RALYL: variants seen among roughly 807,000 people sequenced by gnomAD.
RALYL encodes RNA-binding Raly-like protein.
RALYL carries 29 observed loss-of-function variants against 35.1 expected under a neutral mutation model. The observed-to-expected ratio is 0.83, with a 90% CI of 0.61 to 1.13. The LOEUF (loss-of-function observed/expected upper bound fraction) is 1.13. RALYL is among the 50% of genes most tolerant of loss of function. The pLI is 0.00. For missense variants in RALYL, 359 were observed against 360.4 expected (o/e 1.00, Z 0.03); for synonymous variants, 120 against 127.6 (o/e 0.94, Z 0.40).
chr8:84,372,762 T>A (rs1855986702), intron 1 of RALYL, among the ~76,000 whole-genome samples: 1 of 151,790 alleles, frequency 6.6e-6, no homozygotes, highest in Non-Finnish European at 1.5e-5. Flanking sequence ...CTGAGTTAAA[T>A]GGTAATTCTG....
intron 7 of RALYL, among the ~76,000 whole-genome samples, chr8:84,875,827 A>ATT (rs1231131444): frequency 2.0e-5 from 3 of 152,138 alleles, no homozygotes; most frequent in Admixed American, 6.5e-5. Context: ...AATTAGTTGA[A>ATT]AGCTAATTAC....
At chr8:84,805,622 T>C (rs1474065225) in intron 4 of RALYL, among the ~76,000 whole-genome samples, 15 of 152,098 alleles carry the variant, frequency 9.9e-5, no homozygotes, top group Admixed American at 9.8e-4. Flanking sequence ...AGGCAGAAGT[T>C]GCAGTGAGCC....
At chr8:84,383,004 A>T (rs1352046135) in intron 1 of RALYL, among the ~76,000 whole-genome samples, 2 of 151,808 alleles carry the variant, frequency 1.3e-5, no homozygotes, top group East Asian at 1.9e-4. Context: ...TTAATCTTAT[A>T]GTCATTATAT....
At chr8:84,681,111 C>G (rs1271777132) in intron 2 of RALYL, among the ~76,000 whole-genome samples, 1 of 152,096 alleles carries the variant, frequency 6.6e-6, no homozygotes, top group Non-Finnish European at 1.5e-5. Flanking sequence ...ATAGGGAATC[C>G]TTTCCCCATT....
At chr8:84,838,065 T>A (rs936918801) in intron 4 of RALYL, among the ~76,000 whole-genome samples, 1 of 152,146 alleles carries the variant, frequency 6.6e-6, no homozygotes, top group African/African-American at 2.4e-5. Flanking sequence ...CCAAAATAGA[T>A]CATCCCATAA....
At chr8:84,658,577 C>T (rs368644386) in intron 2 of RALYL, among the ~76,000 whole-genome samples, 8 of 152,088 alleles carry the variant, frequency 5.3e-5, no homozygotes, top group African/African-American at 1.4e-4. Context: ...CCATAGAACA[C>T]GGTTCCAACA....
chr8:84,874,254 G>T (rs1036337448), intron 7 of RALYL, among the ~76,000 whole-genome samples: 10 of 152,086 alleles, frequency 6.6e-5, no homozygotes, highest in African/African-American at 2.4e-4. Flanking sequence ...GACTTAATTT[G>T]CTGGAAGAGT....
intron 1 of RALYL, among the ~76,000 whole-genome samples, chr8:84,265,413 T>C (rs1412698182): frequency 2.0e-5 from 3 of 152,170 alleles, no homozygotes; most frequent in African/African-American, 7.2e-5. Context: ...ACTGGCTTTC[T>C]AGATGCAGGA....
chr8:84,767,667 T>C (rs1286971365), intron 2 of RALYL, among the ~76,000 whole-genome samples: 1 of 152,144 alleles, frequency 6.6e-6, no homozygotes, highest in East Asian at 1.9e-4. Context: ...TCTCTTCTGC[T>C]TTATCCCTAT....
At chr8:84,755,289 C>T (rs1345757772) in intron 2 of RALYL, among the ~76,000 whole-genome samples, 1 of 152,152 alleles carries the variant, frequency 6.6e-6, no homozygotes. Context: ...TTTGTATATA[C>T]ATGGTAGGAA....
intron 2 of RALYL, among the ~76,000 whole-genome samples, chr8:84,643,566 A>C (rs1390398170): frequency 6.6e-6 from 1 of 152,022 alleles, no homozygotes; most frequent in African/African-American, 2.4e-5. Flanking sequence ...AGGCATCCCT[A>C]TGCCCCATCA....
chr8:84,266,272 A>C (rs1430954676), intron 1 of RALYL, among the ~76,000 whole-genome samples: 5 of 151,700 alleles, frequency 3.3e-5, no homozygotes, highest in Non-Finnish European at 7.4e-5. Context: ...ACTTCCTGGC[A>C]TACTTTGCGA....
At chr8:84,457,311 A>C (rs1019328878) in intron 1 of RALYL, among the ~76,000 whole-genome samples, 1 of 151,984 alleles carries the variant, frequency 6.6e-6, no homozygotes, top group Non-Finnish European at 1.5e-5. Flanking sequence ...CTAGCTCTGG[A>C]TAATATAAAT....
At chr8:84,742,227 T>C (rs950540716) in intron 2 of RALYL, among the ~76,000 whole-genome samples, 1 of 151,964 alleles carries the variant, frequency 6.6e-6, no homozygotes, top group African/African-American at 2.4e-5. Context: ...GGACATTTGG[T>C]TACCATTTTT....
At chr8:84,673,460 A>T (rs1196259716) in intron 2 of RALYL, among the ~76,000 whole-genome samples, 1 of 152,044 alleles carries the variant, frequency 6.6e-6, no homozygotes, top group Non-Finnish European at 1.5e-5. Flanking sequence ...CTATATCTTG[A>T]ATGCTATTGC....
intron 1 of RALYL, among the ~76,000 whole-genome samples, chr8:84,209,280 A>T (rs1550210): frequency 1.5e-3 from 225 of 152,054 alleles, no homozygotes; most frequent in Middle Eastern, 3.4e-3. Context: ...TGAACAAAAC[A>T]TAAGTGCTGG....
At chr8:84,825,221 G>A (rs1352120639) in intron 4 of RALYL, among the ~76,000 whole-genome samples, 1 of 152,032 alleles carries the variant, frequency 6.6e-6, no homozygotes, top group East Asian at 1.9e-4. Flanking sequence ...AGACATACAG[G>A]CTGCCAACAA....
intron 2 of RALYL, among the ~76,000 whole-genome samples, chr8:84,638,844 G>A (rs1275144260): frequency 1.8e-5 from 2 of 108,178 alleles, no homozygotes; most frequent in South Asian, 3.3e-4. Context: ...ATCTATAACA[G>A]AAATACGAGT....
chr8:84,401,065 TC>T (rs992716782), intron 1 of RALYL, among the ~76,000 whole-genome samples: 3 of 152,222 alleles, frequency 2.0e-5, no homozygotes, highest in South Asian at 2.1e-4. Context: ...ATAAGCTTTT[TC>T]CCCCAATGGA....
Sources: gnomAD v4.1 joint callset for allele counts (sites outside exome capture counted in the v4.1 genomes callset) on GRCh38, gnomAD v4.1.1 for gene constraint, MANE v1.5 for transcripts, NCBI Gene and HGNC (gene_info 2026-07-23, HGNC 2026-07-21) for gene names.